Variants in KCNC2 observed in about 807,000 individuals in gnomAD.
KCNC2 encodes voltage-gated potassium channel KCNC2.
A neutral mutation model predicts 44.5 loss-of-function variants in KCNC2; 21 were observed. That is an observed-to-expected ratio of 0.47 (90% CI 0.33 to 0.68). KCNC2 has a LOEUF of 0.68. KCNC2 is among the 30% of genes least tolerant of loss of function. The pLI is 0.01. For synonymous variants in KCNC2, 391 were observed against 339.1 expected, an observed-to-expected ratio of 1.15 and a Z score of -1.68; for missense variants, 589 against 826.2, an observed-to-expected ratio of 0.71 and a Z score of 3.52.
intron 2 of KCNC2, among the ~76,000 whole-genome samples, chr12:75,148,723 A>C (rs938960161): frequency 1.3e-5 from 2 of 151,966 alleles, no homozygotes; most frequent in East Asian, 3.9e-4. Flanking sequence ...ATTGCTTCTC[A>C]TCAAACTTTG....
At chr12:75,101,068 C>T (rs2137179082) in intron 2 of KCNC2, among the ~76,000 whole-genome samples, 1 of 152,196 alleles carries the variant, frequency 6.6e-6, no homozygotes, top group East Asian at 1.9e-4. Flanking sequence ...ATTGCAGACT[C>T]ACTTGCCATT....
intron 2 of KCNC2, among the ~76,000 whole-genome samples, chr12:75,181,716 A>G (rs1250851917): frequency 6.6e-6 from 1 of 152,114 alleles, no homozygotes; most frequent in Admixed American, 6.6e-5. Flanking sequence ...CTATGTGAAC[A>G]TGTGTATTTA....
intron 2 of KCNC2, among the ~76,000 whole-genome samples, chr12:75,144,984 G>A (rs1274559652): frequency 6.6e-6 from 1 of 152,110 alleles, no homozygotes; most frequent in African/African-American, 2.4e-5. Flanking sequence ...TGCTTATAGA[G>A]CCAGCAATGT....
chr12:75,141,136 C>G (rs118150252), intron 2 of KCNC2, among the ~76,000 whole-genome samples: 1 of 152,170 alleles, frequency 6.6e-6, no homozygotes, highest in African/African-American at 2.4e-5. Context: ...TTAGACACCT[C>G]TTATTTTTCT....
At chr12:75,089,844 T>G (rs908028795) in intron 2 of KCNC2, among the ~76,000 whole-genome samples, 7 of 151,840 alleles carry the variant, frequency 4.6e-5, no homozygotes, top group African/African-American at 1.7e-4. Flanking sequence ...ATGAGTCACA[T>G]TTCAAGCGCT....
At position 75,185,333 on chromosome 12, in the gene KCNC2, C is replaced by T. The variant is rs141591391; in HGVS notation, c.687+21964G>A. Among the ~76,000 whole-genome samples, 829 of 152,184 alleles carry T rather than the reference C, an allele frequency of 5.4e-3. 4 individuals carry two copies. Among genetic ancestry groups the T allele is most frequent in the African/African-American group, 0.019 (781 of 41,508 alleles). On this transcript the variant is annotated intron_variant, in intron 2 of 4. Transcript: ENST00000549446. ...GCTACAATGCTATGGTTTGAAAGTGCCCCTCAAAGTTCATGTGTTGGAAAC... is the reference window on the plus strand; with the variant it reads ...GCTACAATGCTATGGTTTGAAAGTGTCCCTCAAAGTTCATGTGTTGGAAAC...
intron 2 of KCNC2, chr12:75,124,220 G>T (rs1349902999): frequency 2.0e-5 from 3 of 152,146 alleles, no homozygotes; most frequent in Non-Finnish European, 4.4e-5. Flanking sequence ...TAATCTAGGG[G>T]ATTTGTTCAC....
chr12:75,103,132 A>G (rs923635579), intron 2 of KCNC2, among the ~76,000 whole-genome samples: 6 of 152,168 alleles, frequency 3.9e-5, no homozygotes, highest in Non-Finnish European at 7.4e-5. Context: ...CCAAGGACAA[A>G]TCATAGATCT....
At chr12:75,059,373 C>A (rs1359860246) in intron 2 of KCNC2, among the ~76,000 whole-genome samples, 1 of 152,020 alleles carries the variant, frequency 6.6e-6, no homozygotes, top group African/African-American at 2.4e-5. Context: ...GCCTTTTTCA[C>A]TCTCATTGTC....
intron 2 of KCNC2, among the ~76,000 whole-genome samples, chr12:75,059,312 T>C (rs904386513): frequency 1.6e-4 from 24 of 152,152 alleles, no homozygotes; most frequent in Admixed American, 3.9e-4. Context: ...AGGCCTTTTC[T>C]GGGGTCCATA....
chr12:75,061,602 C>T (rs61081676), intron 2 of KCNC2, among the ~76,000 whole-genome samples: 12 of 138,436 alleles, frequency 8.7e-5, no homozygotes, highest in African/African-American at 1.3e-4. Context: ...CACACACACA[C>T]ACACACACAC....
chr12:75,164,693 T>C (rs145050245), intron 2 of KCNC2, among the ~76,000 whole-genome samples: 302 of 151,832 alleles, frequency 2.0e-3, no homozygotes, highest in Non-Finnish European at 3.4e-3. Context: ...CACTAACCTG[T>C]AACAACTGCT....
intron 2 of KCNC2, among the ~76,000 whole-genome samples, chr12:75,062,886 A>T (rs750581776): frequency 4.6e-5 from 7 of 152,098 alleles, no homozygotes; most frequent in Non-Finnish European, 8.8e-5. Context: ...GAATCTTAAA[A>T]ATGCAGTTAG....
chr12:75,101,103 C>T (rs1413921889), intron 2 of KCNC2, among the ~76,000 whole-genome samples: 2 of 152,068 alleles, frequency 1.3e-5, no homozygotes, highest in African/African-American at 4.8e-5. Context: ...TTTTCACACA[C>T]ATTTAGGCCT....
At chr12:75,186,784 C>T (rs1892985073) in intron 2 of KCNC2, among the ~76,000 whole-genome samples, 1 of 152,124 alleles carries the variant, frequency 6.6e-6, no homozygotes, top group South Asian at 2.1e-4. Flanking sequence ...GATACCTTAG[C>T]ACATTAGGAT....
chr12:75,126,321 A>C (rs2137313459), intron 2 of KCNC2, among the ~76,000 whole-genome samples: 1 of 152,340 alleles, frequency 6.6e-6, no homozygotes, highest in Non-Finnish European at 1.5e-5. Context: ...TAAGAAAATG[A>C]ATTTTTCAAC....
intron 2 of KCNC2, among the ~76,000 whole-genome samples, chr12:75,106,355 G>A (rs962328891): frequency 6.6e-6 from 1 of 152,196 alleles, no homozygotes; most frequent in Non-Finnish European, 1.5e-5. Flanking sequence ...CAAGAGAGCA[G>A]AGAAATAAGG....
intron 2 of KCNC2, among the ~76,000 whole-genome samples, chr12:75,099,464 TC>T (rs1195334145): frequency 6.6e-6 from 1 of 152,178 alleles, no homozygotes; most frequent in Non-Finnish European, 1.5e-5. Flanking sequence ...TTTTGCTATT[TC>T]CTTTGGTGCT....
intron 2 of KCNC2, among the ~76,000 whole-genome samples, chr12:75,191,165 C>T (rs2030170037): frequency 6.6e-6 from 1 of 151,682 alleles, no homozygotes; most frequent in African/African-American, 2.4e-5. Flanking sequence ...ATAAAGTAAG[C>T]TATAAAATTA....
Sources: allele counts gnomAD v4.1 joint callset (sites outside exome capture counted in the v4.1 genomes callset), GRCh38; gene constraint gnomAD v4.1.1; transcripts MANE v1.5; gene names NCBI Gene and HGNC (gene_info 2026-07-23, HGNC 2026-07-21).